Variants in KCNA10 observed in about 807,000 individuals in gnomAD.
KCNA10 encodes cyclic GMP gated potassium channel.
In KCNA10, 16 loss-of-function variants were observed where a neutral mutation model predicts 21.4. That is an observed-to-expected ratio of 0.75 (90% CI 0.51 to 1.14). KCNA10 has a LOEUF of 1.14. Among genes scored for constraint, KCNA10 ranks in the 50% most tolerant of loss-of-function variants. The probability of loss-of-function intolerance (pLI) is 0.00; values close to 1 mark genes in which losing one functional copy is unlikely to be tolerated. For missense variants in KCNA10, 677 were observed against 649.1 expected, an observed-to-expected ratio of 1.04 and a Z score of -0.47; for synonymous variants, 276 against 245.9, an observed-to-expected ratio of 1.12 and a Z score of -1.15.
Position 110,517,969 on chromosome 1 carries a change from C to A in KCNA10, c.819G>T (p.Met273Ile). ...SQTMFTDPFFMVESTCIVWFT... is the reference protein window; with the variant it reads ...SQTMFTDPFFIVESTCIVWFT... ...ACCACACGATGCAGGTAGACTCCACCATGAAGAAAGGGTCGGTGAACATGG... is the reference window on the plus strand; with the variant it reads ...ACCACACGATGCAGGTAGACTCCACAATGAAGAAAGGGTCGGTGAACATGG... The change falls in exon 1 of 1, where the codon ATG becomes ATT. Residue 273 changes from methionine (M) to isoleucine (I), a missense_variant. Physicochemically the swap from Met to Ile is conservative, Grantham distance 10. Transcript: ENST00000369771. 1 of 1,613,828 alleles carries A rather than the reference C, an allele frequency of 6.2e-7. No individual in the cohort carries two copies. Among genetic ancestry groups the A allele is most frequent in the Non-Finnish European group, 8.5e-7 (1 of 1,179,996 alleles).
At position 110,517,327 on chromosome 1, in the gene KCNA10, T is replaced by C. The variant is rs1381678276; in HGVS notation, c.1461A>G (p.Val487=). ...PGEIERILNS[V]GSRMGSTDSL... ...AGTCTGTGCTGCCCATTCTTGAGCC[T>C]ACACTGTTGAGGATTCTTTCAATTT... The change falls in exon 1 of 1, where the codon GTA becomes GTG. Residue 487 remains valine (V), a synonymous_variant. Coordinates refer to ENST00000369771, the MANE Select transcript of KCNA10 (RefSeq NM_005549.2). 7.4e-6 allele frequency: 12 copies of C among 1,614,204 alleles called. No homozygotes were observed. Among genetic ancestry groups the C allele is most frequent in the East Asian group, 2.2e-5 (1 of 44,884 alleles).
In KCNA10 at chr1:110,517,626, G is replaced by C. The variant is rs930506374; in HGVS notation, c.1162C>G (p.Leu388Val). The change falls in exon 1 of 1, where the codon CTC becomes GTC. Residue 388 changes from leucine to valine, a missense_variant. By Grantham distance (32) the Leu-to-Val change is conservative. Transcript: ENST00000369771. ...GCAAAGTAGACTGCACTGGAGAAGA[G>C]GATGACTCCAATGAAGAGAAAGAAG... ...LIFFLFIGVI[L>V]FSSAVYFAEV... 8.7e-6 allele frequency: 14 copies of C among 1,614,084 alleles called. No homozygotes were observed. The highest frequency in any genetic ancestry group is 1.2e-5 in the Non-Finnish European group (14 of 1,180,038).
rs1046450860 is a variant in KCNA10, at chr1:110,518,918, T to C, written c.-131A>G. 8 of 716,828 alleles carry C rather than the reference T, an allele frequency of 1.1e-5. No homozygotes were observed. Among genetic ancestry groups the C allele is most frequent in the Non-Finnish European group, 1.8e-5 (8 of 442,728 alleles). The allele number at this position is 716,828 out of a possible 1,614,324, so 44.4% of individuals were successfully genotyped here. ...CTGGCCCTTGTTTATTGAGGTAAGG[T>C]ACACCAATGGGCTAATCAATGACTT... On this transcript the variant is annotated 5_prime_UTR_variant, in exon 1 of 1. Coordinates refer to ENST00000369771, the MANE Select transcript of KCNA10 (RefSeq NM_005549.2).
In KCNA10 at chr1:110,518,237, C is replaced by G. The variant is rs200976866; in HGVS notation, c.551G>C (p.Gly184Ala). 701 of 1,613,832 alleles carry G rather than the reference C, an allele frequency of 4.3e-4. 2 individuals are homozygous for G. Among genetic ancestry groups the G allele is most frequent in the South Asian group, 1.9e-4 (17 of 91,058 alleles). Residue 184 changes from glycine to alanine, a missense_variant, in exon 1 of 1, where the codon GGC becomes GCC. Coordinates refer to ENST00000369771, the MANE Select transcript of KCNA10 (RefSeq NM_005549.2). ...CAGTGTTTCAGGGTCTTTGATGAAG[C>G]CTTCATCCTCCCGGAACTGGTCCAT... ...EAMDQFREDE[G>A]FIKDPETLLP... is the part of the protein sequence containing the mutation.
rs778228651 is a variant in KCNA10 at position 110,518,194 on chromosome 1, G to A, written c.594C>T (p.Ile198=). 1 of 1,613,804 alleles carries A rather than the reference G, an allele frequency of 6.2e-7. No individual in the cohort carries two copies. Among genetic ancestry groups the A allele is most frequent in the South Asian group, 1.1e-5 (1 of 91,032 alleles). ...CAAAGAGGAGCCAGAACTGACGGTGGATGTCATTGGTGGGTAGCAGTGTTT... is the reference window on the plus strand; with the variant it reads ...CAAAGAGGAGCCAGAACTGACGGTGAATGTCATTGGTGGGTAGCAGTGTTT... ...DPETLLPTND[I]HRQFWLLFEY... Residue 198 remains isoleucine (I), a synonymous_variant, in exon 1 of 1, where the codon ATC becomes ATT. Coordinates refer to ENST00000369771, the MANE Select transcript of KCNA10 (RefSeq NM_005549.2).
Position 110,517,303 on chromosome 1 carries a change from G to T in KCNA10, c.1485C>A (p.Asp495Glu). The change falls in exon 1 of 1, where the codon GAC becomes GAA. Residue 495 changes from aspartate (D) to glutamate (E), a missense_variant. By Grantham distance (45) the Asp-to-Glu change is conservative. Transcript: ENST00000369771. ...AGCCACCATTGGTCTTATTAAGAGA[G>T]TCTGTGCTGCCCATTCTTGAGCCTA... ...NSVGSRMGST[D>E]SLNKTNGGCS... 4.3e-6 allele frequency: 7 copies of T among 1,614,194 alleles called. No individual in the cohort carries two copies. Among genetic ancestry groups the T allele is most frequent in the Non-Finnish European group, 5.9e-6 (7 of 1,180,028 alleles).
At position 110,518,141 on chromosome 1, in the gene KCNA10, CG is replaced by C. The variant is rs1647276533; in HGVS notation, c.646del (p.Arg216ValfsTer32). ...FEYPESSSAA[R>X]AVAVVSVLVV... ...CAACACCGAGACCACGGCCACAGCA[CG>C]GGCAGCGCTGGAACTTTCAGGGTAC... On this transcript the variant is annotated frameshift_variant, in exon 1 of 1. Coordinates refer to ENST00000369771, the MANE Select transcript of KCNA10 (RefSeq NM_005549.2). LOFTEE classifies it high-confidence loss of function. The C allele has an allele frequency of 6.2e-7, 1 of 1,613,490 alleles. No individual in the cohort carries two copies.
rs771302509 is a variant in KCNA10, at chr1:110,518,566, T to TG, written c.221dup (p.Gly75ArgfsTer3). 1.2e-6 allele frequency: 2 copies of TG among 1,614,166 alleles called. No homozygotes were observed. Among genetic ancestry groups the TG allele is most frequent in the Non-Finnish European group, 1.7e-6 (2 of 1,180,030 alleles). On this transcript the variant is annotated frameshift_variant, in exon 1 of 1. Coordinates refer to ENST00000369771, the MANE Select transcript of KCNA10 (RefSeq NM_005549.2). LOFTEE classifies it high-confidence loss of function. ...CATTTAGGACCACTGGCTCAGGCCC[T>TG]GGGGGGTCAGCATAGTCTCCCGGAA...
In KCNA10 at chr1:110,518,450, C is replaced by T. The variant is rs141128096; in HGVS notation, c.338G>A (p.Gly113Glu). 1.2e-6 allele frequency: 2 copies of T among 1,613,418 alleles called. No individual in the cohort carries two copies. Among genetic ancestry groups the T allele is most frequent in the African/African-American group, 2.7e-5 (2 of 74,904 alleles). ...GAACTGCATCCTTTTTTCCCGGTCT[C>T]CCAGGAGAGTCTCTGGGAACTGACT... Reference protein sequence around the residue: ...TLSQFPETLLGDREKRMQFFD... With the variant: ...TLSQFPETLLEDREKRMQFFD... Residue 113 changes from glycine to glutamate, a missense_variant, in exon 1 of 1, where the codon GGA becomes GAA. Gly to Glu is a moderately conservative substitution (Grantham distance 98). Coordinates refer to ENST00000369771, the MANE Select transcript of KCNA10 (RefSeq NM_005549.2).
rs748105618 is a variant in KCNA10 at position 110,517,521 on chromosome 1, C to T, written c.1267G>A (p.Gly423Ser). 5 of 1,614,086 alleles carry T rather than the reference C, an allele frequency of 3.1e-6. No homozygotes were observed. In the African/African-American group the frequency reaches 4.0e-5, roughly 13 times the overall value. Reference protein sequence around the residue: ...WWAVVTMTTVGYGDMCPTTPG... With the variant: ...WWAVVTMTTVSYGDMCPTTPG... ...GTGGTCGGGCACATGTCCCCATAGC[C>T]TACAGTTGTCATGGTGACCACTGCC... is the stretch of plus-strand genomic sequence containing the variant. Residue 423 changes from glycine (G) to serine (S), a missense_variant, in exon 1 of 1, where the codon GGC (glycine) becomes AGC (serine). Gly to Ser is a moderately conservative substitution (Grantham distance 56, BLOSUM62 0). Transcript: ENST00000369771.
In KCNA10 at chr1:110,518,784, C is replaced by T. The variant is rs1411409443; in HGVS notation, c.4G>A (p.Asp2Asn). Residue 2 changes from aspartate to asparagine, a missense_variant, in exon 1 of 1, where the codon GAT becomes AAT. Physicochemically the swap from Asp to Asn is conservative, Grantham distance 23. Transcript: ENST00000369771. M[D>N]VCGWKEMEVA... ...TCCATTTCTTTCCAGCCACACACAT[C>T]CATTCTAGGGGAGCCAGGGAAGAAG... The T allele has an allele frequency of 6.4e-7, 1 of 1,561,372 alleles. No individual in the cohort carries two copies. The highest frequency in any genetic ancestry group is 1.4e-5 in the African/African-American group (1 of 73,674).
At position 110,518,585 on chromosome 1, in the gene KCNA10, C is replaced by T. The variant is rs757442247; in HGVS notation, c.203G>A (p.Gly68Glu). ...AGGCCCTGGGGGGTCAGCATAGTCTCCCGGAAGCTTGGAGAAGGCCGTCTC... is the reference window on the plus strand; with the variant it reads ...AGGCCCTGGGGGGTCAGCATAGTCTTCCGGAAGCTTGGAGAAGGCCGTCTC... Reference protein sequence around the residue: ...NHETAFSKLPGDYADPPGPEP... With the variant: ...NHETAFSKLPEDYADPPGPEP... Residue 68 changes from glycine (G) to glutamate (E), a missense_variant, in exon 1 of 1, where the codon GGA (glycine) becomes GAA (glutamate). Transcript: ENST00000369771. 38 of 1,614,046 alleles carry T rather than the reference C, an allele frequency of 2.4e-5. No homozygotes were observed. The highest frequency in any genetic ancestry group is 6.8e-6 in the Non-Finnish European group (8 of 1,180,022).
rs146624318 is a variant in KCNA10, at chr1:110,517,670, C to T, written c.1118G>A (p.Arg373Gln). 1,509 of 1,614,156 alleles carry T rather than the reference C, an allele frequency of 9.3e-4. 8 individuals carry two copies. The African/African-American group carries it at 0.015, about 16-fold the overall frequency. Residue 373 changes from arginine to glutamine, a missense_variant, in exon 1 of 1, where the codon CGG (arginine) becomes CAG (glutamine). Physicochemically the swap from Arg to Gln is conservative, Grantham distance 43. Transcript: ENST00000369771. ...ILGQTLKASM[R>Q]ELGLLIFFLF... ...AAAGAAGATGAGCAACCCCAACTCC[C>T]GCATGGACGCCTTCAGTGTTTGCCC...
rs2101234193 is a variant in KCNA10, at chr1:110,518,092, G to A, written c.696C>T (p.Ile232=). The A allele has an allele frequency of 2.5e-6, 4 of 1,613,728 alleles. No individual in the cohort carries two copies. Among genetic ancestry groups the A allele is most frequent in the Non-Finnish European group, 3.4e-6 (4 of 1,179,922 alleles). The change falls in exon 1 of 1, where the codon ATC becomes ATT. Residue 232 remains isoleucine (I), a synonymous_variant. Coordinates refer to ENST00000369771, the MANE Select transcript of KCNA10 (RefSeq NM_005549.2). The stretch of plus-strand genomic sequence containing the variant: ...ACTCTGGCAGTGTCTCCAGGCAGAA[G>A]ATGGTGATGGAGATGACCACAACCA... ...SVLVVVISIT[I]FCLETLPEFR... is the part of the protein sequence containing the mutation.
In KCNA10 at chr1:110,517,479, C is replaced by T. The variant is rs753891943; in HGVS notation, c.1309G>A (p.Val437Met). 27 of 1,614,068 alleles carry T rather than the reference C, an allele frequency of 1.7e-5. No individual in the cohort carries two copies. The highest frequency in any genetic ancestry group is 2.2e-5 in the Non-Finnish European group (26 of 1,180,022). ...MCPTTPGGKI[V>M]GTLCAIAGVL... ...CCTGCAATGGCACACAGAGTGCCCACAATCTTCCCCCCTGGGGTGGTCGGG... is the reference window on the plus strand; with the variant it reads ...CCTGCAATGGCACACAGAGTGCCCATAATCTTCCCCCCTGGGGTGGTCGGG... The change falls in exon 1 of 1, where the codon GTG (valine) becomes ATG (methionine). Residue 437 changes from valine to methionine, a missense_variant. Transcript: ENST00000369771.
In KCNA10 at chr1:110,518,684, G is replaced by A. The variant is rs372139246; in HGVS notation, c.104C>T (p.Thr35Ile). 8.1e-6 allele frequency: 13 copies of A among 1,614,180 alleles called. No homozygotes were observed. The Admixed American group carries it at 2.2e-4, about 27-fold the overall frequency. ...EPGYATDFDS[T>I]SPKGRPGGSS... ...GCCCCCAGGCCGGCCTTTTGGGCTG[G>A]TTGAGTCGAAGTCTGTGGCATAGCC... Residue 35 changes from threonine to isoleucine, a missense_variant, in exon 1 of 1, where the codon ACC (threonine) becomes ATC (isoleucine). Thr to Ile is a moderately conservative substitution (Grantham distance 89, BLOSUM62 -1). Transcript: ENST00000369771.
chr1:110,518,890 C>A lies in KCNA10; in HGVS notation c.-103G>T. The stretch of plus-strand genomic sequence containing the variant: ...ATTATACAAGATCCAGGGCAGAATA[C>A]AACTGGCCCTTGTTTATTGAGGTAA... On this transcript the variant is annotated 5_prime_UTR_variant, in exon 1 of 1. Transcript: ENST00000369771. 2.0e-6 allele frequency: 2 copies of A among 1,002,010 alleles called. No homozygotes were observed. The highest frequency in any genetic ancestry group is 1.9e-5 in the South Asian group (1 of 54,004). 62.1% of individuals were successfully genotyped at this position (1,002,010 alleles called of 1,614,324 possible).
chr1:110,517,851 T>C lies in KCNA10; in HGVS notation c.937A>G (p.Ile313Val). Residue 313 changes from isoleucine to valine, a missense_variant, in exon 1 of 1, where the codon ATC becomes GTC. By Grantham distance (29) the Ile-to-Val change is conservative (BLOSUM62 3). Transcript: ENST00000369771. Reference protein sequence around the residue: ...IMNIIDIISIIPYFATLITEL... With the variant: ...IMNIIDIISIVPYFATLITEL... ...GTGATGAGAGTTGCAAAGTAGGGGA[T>C]AATGGAGATGATGTCAATGATGTTC... 2 of 1,613,954 alleles carry C rather than the reference T, an allele frequency of 1.2e-6. No individual in the cohort carries two copies. The highest frequency in any genetic ancestry group is 8.5e-7 in the Non-Finnish European group (1 of 1,180,002).
At position 110,518,444 on chromosome 1, in the gene KCNA10, C is replaced by T. The variant is rs150926393; in HGVS notation, c.344G>A (p.Arg115Gln). 844 of 1,614,112 alleles carry T rather than the reference C, an allele frequency of 5.2e-4. 13 individuals are homozygous for T. The East Asian group carries it at 0.015, about 29-fold the overall frequency. ...SQFPETLLGD[R>Q]EKRMQFFDSM... ...GTCAAAGAACTGCATCCTTTTTTCC[C>T]GGTCTCCCAGGAGAGTCTCTGGGAA... The change falls in exon 1 of 1, where the codon CGG becomes CAG. Residue 115 changes from arginine to glutamine, a missense_variant. Arg to Gln is a conservative substitution (Grantham distance 43). Coordinates refer to ENST00000369771, the MANE Select transcript of KCNA10 (RefSeq NM_005549.2).
Sources: allele counts gnomAD v4.1 joint callset, GRCh38; gene constraint gnomAD v4.1.1; transcripts MANE v1.5; gene names NCBI Gene and HGNC (gene_info 2026-07-23, HGNC 2026-07-21).